The following ATP6V1C2 variants were observed in gnomAD, a reference collection of about 807,000 sequenced individuals.
The protein encoded by ATP6V1C2 is V-type proton ATPase subunit C 2.
Under a neutral mutation model 56.8 loss-of-function variants are expected in ATP6V1C2, and 45 were observed. The observed-to-expected ratio is 0.79, with a 90% confidence interval of 0.62 to 1.02. ATP6V1C2 has a LOEUF of 1.02. Among genes scored for constraint, ATP6V1C2 ranks in the 50% least tolerant of loss-of-function variants. The pLI is 0.00. For missense variants in ATP6V1C2, 463 were observed against 519.7 expected, an observed-to-expected ratio of 0.89 and a Z score of 1.06; for synonymous variants, 220 against 201.3, an observed-to-expected ratio of 1.09 and a Z score of -0.79.
chr2:10,783,975 G>A lies in ATP6V1C2; in HGVS notation c.*712G>A. On this transcript the variant is annotated 3_prime_UTR_variant, in exon 14 of 14. Transcript: ENST00000272238. ...AACAGCCTCCAAGAACATTCAAGCAGCAGTCAGAGAGAAAAATGTTTCGAC... is the reference window on the plus strand; with the variant it reads ...AACAGCCTCCAAGAACATTCAAGCAACAGTCAGAGAGAAAAATGTTTCGAC... 3.8e-6 allele frequency: 1 copy of A among 260,274 alleles called. No individual in the cohort carries two copies. Among genetic ancestry groups the A allele is most frequent in the South Asian group, 1.4e-4 (1 of 7,002 alleles). The allele number at this position is 260,274 out of a possible 1,614,324, so 16.1% of individuals were successfully genotyped here. A position where few individuals can be genotyped will look rare whatever the true frequency, so the allele number is the denominator to read the frequency against.
intron 13 of ATP6V1C2, among the ~76,000 whole-genome samples, chr2:10,782,798 T>A (rs1441774781): frequency 6.0e-5 from 7 of 116,124 alleles, no homozygotes; most frequent in African/African-American, 2.3e-4. Flanking sequence ...GCCACTACAC[T>A]CCAGCCTGGC....
rs904452511 is a variant in ATP6V1C2 at position 10,754,000 on chromosome 2, C to G, written c.217C>G (p.Gln73Glu). 1.2e-6 allele frequency: 2 copies of G among 1,607,030 alleles called. No individual in the cohort carries two copies. The highest frequency in any genetic ancestry group is 8.5e-7 in the Non-Finnish European group (1 of 1,176,108). ...CCAAAGCCTCATAAGGAGAATGGCT[C>G]AGAGCGTGGTGGAAGTCATGGAGGA... ...FAESLIRRMAQSVVEVMEDSK... is the reference protein window; with the variant it reads ...FAESLIRRMAESVVEVMEDSK... The change falls in exon 4 of 14, where the codon CAG becomes GAG. Residue 73 changes from glutamine to glutamate, a missense_variant. Physicochemically the swap from Gln to Glu is conservative, Grantham distance 29 (BLOSUM62 2). Coordinates refer to ENST00000272238, the MANE Select transcript of ATP6V1C2 (RefSeq NM_001039362.2).
At chr2:10,753,894 C>T (rs553760040) in intron 3 of ATP6V1C2, 87 bp from the exon 4 acceptor site, 40 of 1,243,198 alleles carry the variant, frequency 3.2e-5, no homozygotes, top group Non-Finnish European at 4.5e-5. Context: ...AAGGGTGTCA[C>T]CAGCTACTTT....
Position 10,735,368 on chromosome 2 carries a change from C to T in ATP6V1C2, c.197+8799C>T, listed in dbSNP as rs577423383. 1.5e-3 allele frequency among the ~76,000 whole-genome samples: 234 copies of T among 152,204 alleles called. 1 individual carries two copies. Among genetic ancestry groups the T allele is most frequent in the Non-Finnish European group, 3.0e-3 (207 of 68,022 alleles). On this transcript the variant is annotated intron_variant, in intron 3 of 13. Coordinates refer to ENST00000272238, the MANE Select transcript of ATP6V1C2 (RefSeq NM_001039362.2). Reference sequence around the variant, plus strand: ...TGTTTTTAGTGGAGATGAGGTTTCACCATGTTGGCCAGGCTGGTCTTGAAC... The same window carrying T: ...TGTTTTTAGTGGAGATGAGGTTTCATCATGTTGGCCAGGCTGGTCTTGAAC...
intron 2 of ATP6V1C2, among the ~76,000 whole-genome samples, chr2:10,724,830 G>A (rs1661552920): frequency 1.3e-5 from 2 of 152,062 alleles, no homozygotes; most frequent in South Asian, 4.1e-4. Context: ...ATGCCACCAT[G>A]CCTGGCTAGT....
In ATP6V1C2 at chr2:10,750,305, T is replaced by TC. The variant is rs558030228; in HGVS notation, c.198-3675dup. 2.6e-3 allele frequency among the ~76,000 whole-genome samples: 402 copies of TC among 152,230 alleles called. 1 individual carries two copies. Among genetic ancestry groups the TC allele is most frequent in the African/African-American group, 9.4e-3 (391 of 41,538 alleles). ...GCCGAGGCAGGTGGATTGCTTGAGCTCAGGGGTTTGAGACCAGGCTGGGCA... is the reference window on the plus strand; with the variant it reads ...GCCGAGGCAGGTGGATTGCTTGAGCTCCAGGGGTTTGAGACCAGGCTGGGCA... On this transcript the variant is annotated intron_variant, in intron 3 of 13. Coordinates refer to ENST00000272238, the MANE Select transcript of ATP6V1C2 (RefSeq NM_001039362.2).
At chr2:10,745,878 C>G (rs1662883495) in intron 3 of ATP6V1C2, among the ~76,000 whole-genome samples, 1 of 152,090 alleles carries the variant, frequency 6.6e-6, no homozygotes, top group Non-Finnish European at 1.5e-5. Context: ...AGTGTTTGAC[C>G]TTTTCTGCCT....
chr2:10,747,675 C>A (rs899231566), intron 3 of ATP6V1C2, among the ~76,000 whole-genome samples: 2 of 150,608 alleles, frequency 1.3e-5, no homozygotes, highest in Non-Finnish European at 2.9e-5. Context: ...GTCTGGACCA[C>A]ACAGCAAGAC....
chr2:10,750,464 C>T (rs748021628), intron 3 of ATP6V1C2, among the ~76,000 whole-genome samples: 10 of 151,470 alleles, frequency 6.6e-5, no homozygotes, highest in Admixed American at 5.3e-4. Flanking sequence ...TGCAGTAAGC[C>T]GAGATAGCAC....
chr2:10,735,171 G>A (rs1004475649), intron 3 of ATP6V1C2, among the ~76,000 whole-genome samples: 1 of 152,188 alleles, frequency 6.6e-6, no homozygotes, highest in African/African-American at 2.4e-5. Context: ...TAAATGTGGT[G>A]ACTAGACCTT....
At chr2:10,767,990 G>A (rs930380937) in intron 5 of ATP6V1C2, 8 of 152,184 alleles carry the variant, frequency 5.3e-5, no homozygotes, top group African/African-American at 1.2e-4. Flanking sequence ...GGCATTCTAT[G>A]GAGCACCCAT....
At position 10,733,807 on chromosome 2, in the gene ATP6V1C2, C is replaced by T. The variant is rs1012898381; in HGVS notation, c.197+7238C>T. On this transcript the variant is annotated intron_variant, in intron 3 of 13. Transcript: ENST00000272238. ...TGTGGTGCTTGGTGACCGTTGCTTGCCCCTAAGTGCTTCCCCTGTCGTTGC... is the reference window on the plus strand; with the variant it reads ...TGTGGTGCTTGGTGACCGTTGCTTGTCCCTAAGTGCTTCCCCTGTCGTTGC... Among the ~76,000 whole-genome samples, 10 of 152,242 alleles carry T rather than the reference C, an allele frequency of 6.6e-5. No homozygotes were observed. The East Asian group carries it at 1.5e-3, about 24-fold the overall frequency.
intron 10 of ATP6V1C2, among the ~76,000 whole-genome samples, chr2:10,776,035 C>T (rs1026939995): frequency 1.3e-5 from 2 of 152,212 alleles, no homozygotes; most frequent in South Asian, 2.1e-4. Flanking sequence ...GTGTGTGCTC[C>T]GGGCTCCTGG....
chr2:10,768,636 T>C, intron 5 of ATP6V1C2, 83 bp from the exon 6 acceptor site: 1 of 1,072,994 alleles, frequency 9.3e-7, no homozygotes, highest in Non-Finnish European at 1.4e-6. Flanking sequence ...GAAAGCACCA[T>C]GAGCTGTTGT....
chr2:10,757,684 C>T (rs892049369), intron 4 of ATP6V1C2, among the ~76,000 whole-genome samples: 1 of 152,180 alleles, frequency 6.6e-6, no homozygotes, highest in Admixed American at 6.5e-5. Context: ...CACTGCATGC[C>T]GCCTGGAAGC....
rs1164263850 is a variant in ATP6V1C2 at position 10,754,067 on chromosome 2, G to A, written c.283+1G>A. 2 of 1,597,374 alleles carry A rather than the reference G, an allele frequency of 1.3e-6. No homozygotes were observed. The highest frequency in any genetic ancestry group is 1.7e-6 in the Non-Finnish European group (2 of 1,170,442). ...CAGGAGCACCTCCTGGCAAACGGAG[G>A]TAGGTAGGGCGGCCCTCTGATGTGG... On this transcript the variant is annotated splice_donor_variant, in intron 4 of 13. Coordinates refer to ENST00000272238, the MANE Select transcript of ATP6V1C2 (RefSeq NM_001039362.2). LOFTEE classifies it high-confidence loss of function.
chr2:10,747,938 G>T (rs1663011938), intron 3 of ATP6V1C2, among the ~76,000 whole-genome samples: 1 of 151,786 alleles, frequency 6.6e-6, no homozygotes, highest in African/African-American at 2.4e-5. Context: ...TTGGCTCACT[G>T]CAACCTCTGC....
At chr2:10,743,868 C>T (rs1242986487) in intron 3 of ATP6V1C2, among the ~76,000 whole-genome samples, 2 of 151,638 alleles carry the variant, frequency 1.3e-5, no homozygotes, top group Admixed American at 6.6e-5. Flanking sequence ...ACCTATAATC[C>T]CAGCTACTCG....
chr2:10,756,690 C>T (rs1039598155), intron 4 of ATP6V1C2, among the ~76,000 whole-genome samples: 2 of 152,032 alleles, frequency 1.3e-5, no homozygotes, highest in African/African-American at 4.8e-5. Context: ...GTACTCCAGC[C>T]TAGGAGACAA....
Sources: gnomAD v4.1 joint callset for allele counts (sites outside exome capture counted in the v4.1 genomes callset) on GRCh38, gnomAD v4.1.1 for gene constraint, MANE v1.5 for transcripts, NCBI Gene and HGNC (gene_info 2026-07-23, HGNC 2026-07-21) for gene names.